Variants in ZFP91 observed in about 807,000 individuals in gnomAD.
The protein encoded by ZFP91 is E3 ubiquitin-protein ligase ZFP91.
In ZFP91, 7 loss-of-function variants were observed where a neutral mutation model predicts 63.5. The ratio of observed to expected loss-of-function variants is 0.11; its 90% confidence interval spans 0.06 to 0.21. The LOEUF is 0.21. ZFP91 is among the 10% of genes least tolerant of loss of function. ZFP91 has a pLI of 1.00. For synonymous variants in ZFP91, 330 were observed against 272.1 expected, an observed-to-expected ratio of 1.21 and a Z score of -2.10; for missense variants, 628 against 736.6, an observed-to-expected ratio of 0.85 and a Z score of 1.71.
Position 58,621,118 on chromosome 11 carries a change from A to G in ZFP91, c.*3412A>G, listed in dbSNP as rs1050488359. Reference sequence around the variant, plus strand: ...ACATGTGATGCTGCTAAGCAAACCAAATGCCCTCAGAACAGGTGTTATGTG... The same window carrying G: ...ACATGTGATGCTGCTAAGCAAACCAGATGCCCTCAGAACAGGTGTTATGTG... On this transcript the variant is annotated 3_prime_UTR_variant, in exon 11 of 11. Transcript: ENST00000316059. 34 of 152,620 alleles carry G rather than the reference A, an allele frequency of 2.2e-4. No individual in the cohort carries two copies. Among genetic ancestry groups the G allele is most frequent in the Non-Finnish European group, 7.3e-5 (5 of 68,034 alleles). 9.5% of individuals were successfully genotyped at this position (152,620 alleles called of 1,614,324 possible).
Position 58,617,724 on chromosome 11 carries a change from G to T in ZFP91, c.*18G>T. On this transcript the variant is annotated 3_prime_UTR_variant, in exon 11 of 11. Coordinates refer to ENST00000316059, the MANE Select transcript of ZFP91 (RefSeq NM_053023.5). This position sits in a 1 kb window ranked among gnomAD's most constrained non-coding sequence, Gnocchi z 4.2. ...GACCTTAGTGGACAGGAAGACTTGG[G>T]GCATGGGACAGCTCAGACTTTGTAT... 2 of 1,489,724 alleles carry T rather than the reference G, an allele frequency of 1.3e-6. No individual in the cohort carries two copies. Among genetic ancestry groups the T allele is most frequent in the South Asian group, 2.8e-5 (2 of 70,400 alleles). The allele number at this position is 1,489,724 out of a possible 1,614,324, so 92.3% of individuals were successfully genotyped here. A position where few individuals can be genotyped will look rare whatever the true frequency, so the allele number is the denominator to read the frequency against.
At chr11:58,610,370 TG>T in intron 4 of ZFP91, 36 bp downstream of exon 4, 1 of 1,550,716 alleles carries the variant, frequency 6.4e-7, no homozygotes. Context: ...TTTAAACCTT[TG>T]GGGACATAGC....
Position 58,610,959 on chromosome 11 carries a change from GGAA to G in ZFP91, c.630_632del (p.Glu216del), listed in dbSNP as rs760973725. ...ATTTACTTATTTTTAGTAGTGAAGA[GGAA>G]GAGGAGGAGGAAGAAGAGATGTTAA... On this transcript the variant is annotated inframe_deletion, in exon 5 of 11. Transcript: ENST00000316059. The G allele has an allele frequency of 1.2e-4, 190 of 1,611,536 alleles. No individual in the cohort carries two copies. Among genetic ancestry groups the G allele is most frequent in the Non-Finnish European group, 1.5e-4 (173 of 1,179,342 alleles).
Position 58,618,786 on chromosome 11 carries a change from G to C in ZFP91, c.*1080G>C, listed in dbSNP as rs1031265013. 3.7e-5 allele frequency: 16 copies of C among 433,994 alleles called. No homozygotes were observed. In the Admixed American group the frequency reaches 4.1e-4, roughly 11 times the overall value. 26.9% of individuals were successfully genotyped at this position (433,994 alleles called of 1,614,324 possible). A position where few individuals can be genotyped will look rare whatever the true frequency, so the allele number is the denominator to read the frequency against. ...CTAACAAAATCACTACAATAGCCTA[G>C]TGCTTTTTTGGAAGCCTTTTTAGGG... On this transcript the variant is annotated 3_prime_UTR_variant, in exon 11 of 11. Transcript: ENST00000316059.
At chr11:58,601,117 T>C (rs1046474241) in intron 2 of ZFP91, among the ~76,000 whole-genome samples, 2 of 152,146 alleles carry the variant, frequency 1.3e-5, no homozygotes, top group Non-Finnish European at 2.9e-5. Context: ...TAATGCTGTG[T>C]TTATAGGATG....
rs1013582873 is a variant in ZFP91, at chr11:58,595,751, A to G, written c.370+10867A>G. Among the ~76,000 whole-genome samples, 3 of 151,808 alleles carry G rather than the reference A, an allele frequency of 2.0e-5. No individual in the cohort carries two copies. In the East Asian group the frequency reaches 5.8e-4, roughly 29 times the overall value. The stretch of plus-strand genomic sequence containing the variant: ...CACCACCGGCCTGGCTAATTTTTGT[A>G]TTTTTAGTAGAGACAGGGTTTCATC... On this transcript the variant is annotated intron_variant, in intron 2 of 10. Transcript: ENST00000316059.
chr11:58,589,248 A>G (rs1855264072), intron 2 of ZFP91, among the ~76,000 whole-genome samples: 1 of 151,572 alleles, frequency 6.6e-6, no homozygotes. Flanking sequence ...ATTGTTTTTG[A>G]TTTTTTTGTA....
chr11:58,611,491 C>A, intron 5 of ZFP91, 113 bp from the exon 6 acceptor site: 1 of 1,315,692 alleles, frequency 7.6e-7, no homozygotes, highest in Non-Finnish European at 1.0e-6. Context: ...ATTTCATGAA[C>A]TGAGGAAGGT....
Position 58,617,359 on chromosome 11 carries a change from G to T in ZFP91, c.1366G>T (p.Val456Leu), listed in dbSNP as rs1168134310. The change falls in exon 11 of 11, where the codon GTG becomes TTG. Residue 456 changes from valine (V) to leucine (L), a missense_variant. Val to Leu is a conservative substitution (Grantham distance 32). Coordinates refer to ENST00000316059, the MANE Select transcript of ZFP91 (RefSeq NM_053023.5). This position sits in a 1 kb window ranked among gnomAD's most constrained non-coding sequence, Gnocchi z 4.2. ...VAHKAKSHPE[V>L]LIAEALAANA... Reference sequence around the variant, plus strand: ...ACACAAGGCAAAAAGCCACCCTGAGGTGCTGATTGCAGAAGCTCTGGCTGC... The same window carrying T: ...ACACAAGGCAAAAAGCCACCCTGAGTTGCTGATTGCAGAAGCTCTGGCTGC... The T allele has an allele frequency of 6.2e-7, 1 of 1,613,836 alleles. No individual in the cohort carries two copies. The highest frequency in any genetic ancestry group is 8.5e-7 in the Non-Finnish European group (1 of 1,179,952).
intron 2 of ZFP91, among the ~76,000 whole-genome samples, chr11:58,603,378 T>C (rs1308936307): frequency 6.6e-6 from 1 of 152,250 alleles, no homozygotes; most frequent in Non-Finnish European, 1.5e-5. Context: ...AGGCTGTGAC[T>C]GGACAGCTAT....
chr11:58,598,039 A>G (rs1855431118), intron 2 of ZFP91, among the ~76,000 whole-genome samples: 1 of 152,166 alleles, frequency 6.6e-6, no homozygotes. Context: ...GATTATCCTC[A>G]TGACATTTTA....
chr11:58,609,799 C>A, intron 2 of ZFP91, 31 bp from the exon 3 acceptor site: 1 of 1,594,680 alleles, frequency 6.3e-7, no homozygotes, highest in Non-Finnish European at 8.6e-7. Context: ...TAACTGTAAA[C>A]TTAAAGAGAA....
chr11:58,597,713 C>G (rs984763079), intron 2 of ZFP91, among the ~76,000 whole-genome samples: 2 of 152,156 alleles, frequency 1.3e-5, no homozygotes, highest in Admixed American at 6.5e-5. Flanking sequence ...TTTGCACCTG[C>G]TACTGTAGGT....
chr11:58,586,888 G>T (rs1295728892), intron 2 of ZFP91, among the ~76,000 whole-genome samples: 2 of 152,100 alleles, frequency 1.3e-5, no homozygotes, highest in Admixed American at 6.5e-5. Flanking sequence ...TTATTTTTTA[G>T]AGGTAAGACT....
At chr11:58,585,613 A>T (rs1220270968) in intron 2 of ZFP91, among the ~76,000 whole-genome samples, 4 of 152,174 alleles carry the variant, frequency 2.6e-5, no homozygotes, top group Non-Finnish European at 5.9e-5. Flanking sequence ...CCCAGGCTTG[A>T]CACAGCCAGT....
chr11:58,581,627 C>G (rs1224054035), intron 1 of ZFP91, among the ~76,000 whole-genome samples: 1 of 152,052 alleles, frequency 6.6e-6, no homozygotes. Context: ...TCCCAAAGTG[C>G]TGGGATTACA....
intron 2 of ZFP91, among the ~76,000 whole-genome samples, chr11:58,604,248 A>G (rs1855535244): frequency 6.6e-6 from 1 of 152,152 alleles, no homozygotes. Context: ...AATGGGCCCT[A>G]ATCCACTATG....
chr11:58,585,564 T>C (rs1035432999), intron 2 of ZFP91, among the ~76,000 whole-genome samples: 35 of 152,170 alleles, frequency 2.3e-4, no homozygotes, highest in African/African-American at 8.4e-4. Context: ...TGAACAAATA[T>C]ACTTTTAGGC....
At chr11:58,589,474 CTT>C (rs775228004) in intron 2 of ZFP91, among the ~76,000 whole-genome samples, 4 of 152,202 alleles carry the variant, frequency 2.6e-5, no homozygotes, top group Admixed American at 2.0e-4. Flanking sequence ...CCTGGCTTCT[CTT>C]AATACTACTG....
Sources: gnomAD v4.1 joint callset for allele counts (sites outside exome capture counted in the v4.1 genomes callset) on GRCh38, gnomAD v4.1.1 for gene constraint, Gnocchi (gnomAD v3.1) non-coding constraint, MANE v1.5 for transcripts, NCBI Gene and HGNC (gene_info 2026-07-23, HGNC 2026-07-21) for gene names.